ROPN1: variants seen among roughly 807,000 people sequenced by gnomAD.
The protein encoded by ROPN1 is ropporin-1A.
Under a neutral mutation model 20.5 loss-of-function variants are expected in ROPN1, and 14 were observed. The observed-to-expected ratio is 0.68, with a 90% CI of 0.45 to 1.07. ROPN1 has a LOEUF of 1.07. ROPN1 is among the 50% of genes least tolerant of loss of function. The probability of loss-of-function intolerance (pLI) is 0.00; values close to 1 mark genes in which losing one functional copy is unlikely to be tolerated. For synonymous variants in ROPN1, 76 were observed against 95.7 expected (o/e 0.79, Z 1.20); for missense variants, 169 against 242.8 (o/e 0.70, Z 2.02).
intron 5 of ROPN1, among the ~76,000 whole-genome samples, chr3:123,969,839 C>T (rs539190565): frequency 6.6e-6 from 1 of 152,322 alleles, no homozygotes; most frequent in African/African-American, 2.4e-5. Flanking sequence ...CTCAGTAGCA[C>T]TGAAAGAATT....
rs377402836 is a variant in ROPN1 at position 123,969,113 on chromosome 3, A to G, written c.*42T>C. On this transcript the variant is annotated 3_prime_UTR_variant, in exon 6 of 6. Transcript: ENST00000405845. ...TGGGTTTCAGTCATTCTGAAGTACA[A>G]TCATCTCTGTATCTTCCTTTAAAAT... 66 of 1,530,258 alleles carry G rather than the reference A, an allele frequency of 4.3e-5. No homozygotes were observed. In the African/African-American group the frequency reaches 5.1e-4, roughly 12 times the overall value. 94.8% of individuals were successfully genotyped at this position (1,530,258 alleles called of 1,614,324 possible).
chr3:123,977,804 T>G (rs1289555254), intron 2 of ROPN1, among the ~76,000 whole-genome samples: 1 of 152,226 alleles, frequency 6.6e-6, no homozygotes, highest in Non-Finnish European at 1.5e-5. Flanking sequence ...CTCAATGTTT[T>G]GTGGAGTGGA....
rs1205024388 is a variant in ROPN1, at chr3:123,991,877, C to A, written c.-13+45G>T. ...CCTCAGACCAGCGCAGCCCTCGGGG[C>A]GCTCAGAGCCCTGCCCTCCCTCCAC... On this transcript the variant is annotated intron_variant, in intron 1 of 5. Transcript: ENST00000405845. 3.4e-5 allele frequency: 5 copies of A among 148,758 alleles called. No individual in the cohort carries two copies. In the East Asian group the frequency reaches 8.3e-4, roughly 25 times the overall value. 9.2% of individuals were successfully genotyped at this position (148,758 alleles called of 1,614,324 possible). A position where few individuals can be genotyped will look rare whatever the true frequency, so the allele number is the denominator to read the frequency against.
chr3:123,979,988 G>T, intron 2 of ROPN1: 1 of 447,894 alleles, frequency 2.2e-6, no homozygotes, highest in Non-Finnish European at 4.0e-6. Context: ...GGAGAACGAA[G>T]AAAGGCAGAT....
At chr3:123,982,754 A>G (rs540143861) in intron 1 of ROPN1, among the ~76,000 whole-genome samples, 1 of 152,246 alleles carries the variant, frequency 6.6e-6, no homozygotes, top group South Asian at 2.1e-4. Context: ...TACCATTTTA[A>G]ATGTACAGTT....
chr3:123,980,232 T>G, intron 2 of ROPN1, 134 bp downstream of exon 2: 1 of 774,170 alleles, frequency 1.3e-6, no homozygotes, highest in Non-Finnish European at 2.2e-6. Context: ...ATCAAAGCAA[T>G]GCAAGAGCTA....
chr3:123,981,167 A>AT (rs958826156), intron 1 of ROPN1, among the ~76,000 whole-genome samples: 1 of 152,182 alleles, frequency 6.6e-6, no homozygotes, highest in Non-Finnish European at 1.5e-5. Context: ...AGATCAAAAG[A>AT]TTTTTTTCTG....
intron 1 of ROPN1, among the ~76,000 whole-genome samples, chr3:123,990,398 G>GCAC (rs2038379449): frequency 1.3e-5 from 2 of 152,036 alleles, no homozygotes; most frequent in African/African-American, 4.8e-5. Flanking sequence ...ATGACTGGGT[G>GCAC]CACAGTGGTG....
At chr3:123,978,404 A>G (rs914115121) in intron 2 of ROPN1, among the ~76,000 whole-genome samples, 4 of 152,234 alleles carry the variant, frequency 2.6e-5, no homozygotes, top group African/African-American at 9.6e-5. Context: ...CAGGTAGAGT[A>G]ACACTCATCA....
At chr3:123,978,874 A>G (rs1252068114) in intron 2 of ROPN1, 1 of 153,642 alleles carries the variant, frequency 6.5e-6, no homozygotes, top group Non-Finnish European at 1.5e-5. Flanking sequence ...AGCACGTGAT[A>G]CAATACGAGA....
At position 123,970,104 on chromosome 3, in the gene ROPN1, T is replaced by G. The variant is rs1313047544; in HGVS notation, c.510A>C (p.Lys170Asn). Residue 170 changes from lysine to asparagine, a missense_variant, in exon 5 of 6, where the codon AAA (lysine) becomes AAC (asparagine). Around this residue, in one of 3 missense-constraint regions of ROPN1, gnomAD observed 82 missense variants for 100.1 expected, o/e 0.82. Coordinates refer to ENST00000405845, the MANE Select transcript of ROPN1 (RefSeq NM_001317774.2). ...GTGATGCAGAGATCTCCCCATCCAC[T>G]TTGGCAATATACGTGTAGAGAAACT... Reference protein sequence around the residue: ...TFQFLYTYIAKVDGEISASHV... With the variant: ...TFQFLYTYIANVDGEISASHV... 6.2e-7 allele frequency: 1 copy of G among 1,614,186 alleles called. No homozygotes were observed. Among genetic ancestry groups the G allele is most frequent in the Non-Finnish European group, 8.5e-7 (1 of 1,180,030 alleles).
At chr3:123,982,557 A>G (rs1450175832) in intron 1 of ROPN1, among the ~76,000 whole-genome samples, 2 of 152,082 alleles carry the variant, frequency 1.3e-5, no homozygotes, top group Non-Finnish European at 2.9e-5. Context: ...CATTATTTTT[A>G]TACTTCTACT....
At chr3:123,975,061 G>A in intron 4 of ROPN1, 3 of 428,642 alleles carry the variant, frequency 7.0e-6, no homozygotes, top group Middle Eastern at 7.0e-4. Flanking sequence ...TCGGCTCTTG[G>A]TTGTCTCTGG....
chr3:123,969,268 C>A (rs368420087), intron 5 of ROPN1, 47 bp from the exon 6 acceptor site: 140 of 1,410,274 alleles, frequency 9.9e-5, no homozygotes, highest in Non-Finnish European at 1.3e-4. Context: ...GACAGTTAAT[C>A]TTAAGAAAGA....
intron 1 of ROPN1, among the ~76,000 whole-genome samples, chr3:123,986,596 G>C (rs192959081): frequency 6.6e-6 from 1 of 152,336 alleles, no homozygotes; most frequent in African/African-American, 2.4e-5. Context: ...GTTGGCAGGG[G>C]TGGTGCTTGC....
intron 4 of ROPN1, chr3:123,974,869 C>T (rs1188739912): frequency 2.2e-5 from 4 of 179,454 alleles, no homozygotes; most frequent in African/African-American, 2.4e-5. Context: ...TATGAACATC[C>T]TGCATCCATG....
At chr3:123,987,286 T>G in intron 1 of ROPN1, among the ~76,000 whole-genome samples, 1 of 152,248 alleles carries the variant, frequency 6.6e-6, no homozygotes, top group South Asian at 2.1e-4. Flanking sequence ...CCAGAGCTGT[T>G]GTGGTTCAAA....
Position 123,976,940 on chromosome 3 carries a change from C to T in ROPN1, c.158G>A (p.Arg53Lys). ...CAAAGCGACTCGCTCAGACCGCTCT[C>T]TCACCGGAGGCGTCTCTCCACGGGA... Reference protein sequence around the residue: ...ALSRGETPPVRERSERVALCN... With the variant: ...ALSRGETPPVKERSERVALCN... Residue 53 changes from arginine to lysine, a missense_variant, in exon 3 of 6, where the codon AGA becomes AAA. By Grantham distance (26) the Arg-to-Lys change is conservative. This residue lies in a region of ROPN1 where 84 missense variants were observed against 99.3 expected (regional missense o/e 0.85). Coordinates refer to ENST00000405845, the MANE Select transcript of ROPN1 (RefSeq NM_001317774.2). The T allele has an allele frequency of 6.2e-7, 1 of 1,614,186 alleles. No individual in the cohort carries two copies. Among genetic ancestry groups the T allele is most frequent in the East Asian group, 2.2e-5 (1 of 44,876 alleles).
chr3:123,981,716 A>C (rs942441468), intron 1 of ROPN1, among the ~76,000 whole-genome samples: 2 of 152,234 alleles, frequency 1.3e-5, no homozygotes, highest in African/African-American at 4.8e-5. Flanking sequence ...CCAAGACAAG[A>C]AACTAAAGTG....
Sources: allele counts gnomAD v4.1 joint callset (sites outside exome capture counted in the v4.1 genomes callset), GRCh38; gene constraint gnomAD v4.1.1; regional missense constraint gnomAD v4.1.1; transcripts MANE v1.5; gene names NCBI Gene and HGNC (gene_info 2026-07-23, HGNC 2026-07-21).